Variants in EN1 observed in about 807,000 individuals in gnomAD.
EN1 encodes engrailed homeobox 1, also known as homeobox protein engrailed-1.
In EN1, 8 loss-of-function variants were observed where a neutral mutation model predicts 22.9. The ratio of observed to expected loss-of-function variants is 0.35; its 90% confidence interval spans 0.20 to 0.63. EN1 has a LOEUF of 0.63. Ranked by LOEUF, EN1 falls within the 20% of genes least tolerant of loss-of-function variation. EN1 has a pLI of 0.73. For synonymous variants in EN1, 287 were observed against 262.5 expected, an observed-to-expected ratio of 1.09 and a Z score of -0.90; for missense variants, 521 against 572.1, an observed-to-expected ratio of 0.91 and a Z score of 0.91.
In EN1 at chr2:118,846,575, G is replaced by A; in HGVS notation, c.593C>T (p.Pro198Leu). The change falls in exon 1 of 2, where the codon CCG becomes CTG. Residue 198 changes from proline (P) to leucine (L), a missense_variant. This residue lies in a region of EN1 where 436 missense variants were observed against 410.1 expected (regional missense o/e 1.06). Coordinates refer to ENST00000295206, the MANE Select transcript of EN1 (RefSeq NM_001426.4). The surrounding 1 kb of genome is among the most constrained non-coding windows in gnomAD (Gnocchi z 5.0). ...CGCGGCCGCCGCCGCCGCCGCAGCC[G>A]GGTTCCCAGCTTTAGACGCGCCCGC... ...AGAGASKAGN[P>L]AAAAAAAAAA... is the part of the protein sequence containing the mutation. 1.1e-5 allele frequency: 13 copies of A among 1,231,824 alleles called. No individual in the cohort carries two copies. The highest frequency in any genetic ancestry group is 4.3e-5 in the Admixed American group (1 of 23,504). The allele number at this position is 1,231,824 out of a possible 1,614,324, so 76.3% of individuals were successfully genotyped here. A position where few individuals can be genotyped will look rare whatever the true frequency, so the allele number is the denominator to read the frequency against.
Position 118,842,925 on chromosome 2 carries a change from C to G in EN1, c.*13G>C, listed in dbSNP as rs1678213805. ...CCGGGAGGGGGCGCGGGCGCGGCCC[C>G]GGCCTGTGGCGGCTACTCGCTCTCG... On this transcript the variant is annotated 3_prime_UTR_variant, in exon 2 of 2. Coordinates refer to ENST00000295206, the MANE Select transcript of EN1 (RefSeq NM_001426.4). The G allele has an allele frequency of 3.1e-6, 5 of 1,595,778 alleles. No homozygotes were observed. The highest frequency in any genetic ancestry group is 2.3e-5 in the East Asian group (1 of 44,418).
chr2:118,843,033 T>C lies in EN1; in HGVS notation c.1084A>G (p.Thr362Ala), dbSNP rs1311421232. ...AGCGCCAGGCCGTTCTTGATGCCTG[T>C]GGCTTTCTTGATCTTGGCGCGCTTG... ...QNKRAKIKKATGIKNGLALHL... is the reference protein window; with the variant it reads ...QNKRAKIKKAAGIKNGLALHL... The change falls in exon 2 of 2, where the codon ACA becomes GCA. Residue 362 changes from threonine to alanine, a missense_variant. Thr to Ala is a moderately conservative substitution (Grantham distance 58, BLOSUM62 0). Coordinates refer to ENST00000295206, the MANE Select transcript of EN1 (RefSeq NM_001426.4). 3 of 1,614,076 alleles carry C rather than the reference T, an allele frequency of 1.9e-6. No homozygotes were observed. The highest frequency in any genetic ancestry group is 2.2e-5 in the East Asian group (1 of 44,890).
In EN1 at chr2:118,846,283, G is replaced by A; in HGVS notation, c.862+23C>T. ...GGTCCGCGGGGCCAGAAGGCATGGC[G>A]CAGCCCGGAGTTGGGTACTCACCGG... On this transcript the variant is annotated intron_variant, in intron 1 of 1. Coordinates refer to ENST00000295206, the MANE Select transcript of EN1 (RefSeq NM_001426.4). The surrounding 1 kb of genome is among the most constrained non-coding windows in gnomAD (Gnocchi z 5.0). The A allele has an allele frequency of 6.2e-7, 1 of 1,600,550 alleles. No individual in the cohort carries two copies. Among genetic ancestry groups the A allele is most frequent in the South Asian group, 1.1e-5 (1 of 88,944 alleles).
At chr2:118,845,294 T>C (rs998007259) in intron 1 of EN1, among the ~76,000 whole-genome samples, 13 of 152,260 alleles carry the variant, frequency 8.5e-5, no homozygotes, top group Admixed American at 2.6e-4. Flanking sequence ...ACCGGGTGTC[T>C]GGAGTGCTGA....
intron 1 of EN1, 129 bp from the exon 2 acceptor site, chr2:118,843,383 C>T: frequency 1.2e-6 from 1 of 835,162 alleles, no homozygotes; most frequent in Non-Finnish European, 1.8e-6. Context: ...GCTTCCGGGG[C>T]GATCTCGGAG....
rs1418788899 is a variant in EN1 at position 118,846,529 on chromosome 2, C to G, written c.639G>C (p.Ala213=). 7.4e-6 allele frequency: 9 copies of G among 1,219,304 alleles called. No homozygotes were observed. Among genetic ancestry groups the G allele is most frequent in the Non-Finnish European group, 9.2e-6 (9 of 976,752 alleles). 75.5% of individuals were successfully genotyped at this position (1,219,304 alleles called of 1,614,324 possible). A position where few individuals can be genotyped will look rare whatever the true frequency, so the allele number is the denominator to read the frequency against. ...CCGAGGGCTTGGCTGCTGCGGCCGC[C>G]GCCGCCGCCGCCACTGCCGCCGCGG... The part of the protein sequence containing the change: ...AAAAAAVAAA[A]AAAAAKPSDT... Residue 213 remains alanine, a synonymous_variant, in exon 1 of 2, where the codon GCG becomes GCC. Transcript: ENST00000295206. This position sits in a 1 kb window ranked among gnomAD's most constrained non-coding sequence, Gnocchi z 5.0.
In EN1 at chr2:118,842,923, C is replaced by G. The variant is rs572940930; in HGVS notation, c.*15G>C. The G allele has an allele frequency of 6.3e-7, 1 of 1,597,656 alleles. No individual in the cohort carries two copies. Among genetic ancestry groups the G allele is most frequent in the South Asian group, 1.1e-5 (1 of 90,368 alleles). On this transcript the variant is annotated 3_prime_UTR_variant, in exon 2 of 2. Coordinates refer to ENST00000295206, the MANE Select transcript of EN1 (RefSeq NM_001426.4). ...TGCCGGGAGGGGGCGCGGGCGCGGC[C>G]CCGGCCTGTGGCGGCTACTCGCTCT...
In EN1 at chr2:118,846,929, G is replaced by A. The variant is rs1455243548; in HGVS notation, c.239C>T (p.Pro80Leu). 6.5e-7 allele frequency: 1 copy of A among 1,532,576 alleles called. No homozygotes were observed. The highest frequency in any genetic ancestry group is 1.9e-5 in the Admixed American group (1 of 52,350). The allele number at this position is 1,532,576 out of a possible 1,614,324, so 94.9% of individuals were successfully genotyped here. ...CGCCGCGAGATGCTGAGGCGGCGGG[G>A]GCGGGGGGTGTGGGGGGAGGTGCGG... ...HHPHLPPHPPPPPPQHLAAPA... is the reference protein window; with the variant it reads ...HHPHLPPHPPLPPPQHLAAPA... The change falls in exon 1 of 2, where the codon CCC (proline) becomes CTC (leucine). Residue 80 changes from proline (P) to leucine (L), a missense_variant. Around this residue, in one of 3 missense-constraint regions of EN1, gnomAD observed 436 missense variants for 410.1 expected, o/e 1.06. Transcript: ENST00000295206. This position sits in a 1 kb window ranked among gnomAD's most constrained non-coding sequence, Gnocchi z 5.0.
rs764899744 is a variant in EN1 at position 118,842,941 on chromosome 2, C to T, written c.1176G>A (p.Glu392=). Residue 392 remains glutamate, a synonymous_variant, in exon 2 of 2, where the codon GAG becomes GAA. Coordinates refer to ENST00000295206, the MANE Select transcript of EN1 (RefSeq NM_001426.4). ...GCGCGGCCCCGGCCTGTGGCGGCTACTCGCTCTCGTCTTTGTCCTGGACCG... is the reference window on the plus strand; with the variant it reads ...GCGCGGCCCCGGCCTGTGGCGGCTATTCGCTCTCGTCTTTGTCCTGGACCG... ...TTTVQDKDES[E] The T allele has an allele frequency of 1.3e-6, 2 of 1,599,488 alleles. No individual in the cohort carries two copies. The highest frequency in any genetic ancestry group is 2.2e-5 in the South Asian group (2 of 90,700).
Position 118,846,778 on chromosome 2 carries a change from C to G in EN1, c.390G>C (p.Ala130=). 6.3e-7 allele frequency: 1 copy of G among 1,595,218 alleles called. No individual in the cohort carries two copies. Among genetic ancestry groups the G allele is most frequent in the Non-Finnish European group, 8.5e-7 (1 of 1,177,562 alleles). The change falls in exon 1 of 2, where the codon GCG becomes GCC. Residue 130 remains alanine, a synonymous_variant. Transcript: ENST00000295206. This position sits in a 1 kb window ranked among gnomAD's most constrained non-coding sequence, Gnocchi z 5.0. ...CTCCTCCTGCGCCTCCTCTGGCCGCCGCAGCCACCAGAAGCTGCGGTGGCG... is the reference window on the plus strand; with the variant it reads ...CTCCTCCTGCGCCTCCTCTGGCCGCGGCAGCCACCAGAAGCTGCGGTGGCG... The part of the protein sequence containing the change: ...EQPPPQLLVA[A]AARGGAGGGG...
rs1169330459 is a variant in EN1, at chr2:118,847,201, G to T, written c.-34C>A. On this transcript the variant is annotated 5_prime_UTR_variant, in exon 1 of 2. Transcript: ENST00000295206. ...GCCCCGCCGCCCCGGCCGCCGCGCC[G>T]GCCCCCGCCCCCACCGCCTCGCTCC... 7 of 652,250 alleles carry T rather than the reference G, an allele frequency of 1.1e-5. No homozygotes were observed. The highest frequency in any genetic ancestry group is 4.7e-4 in the Middle Eastern group (1 of 2,124). The allele number at this position is 652,250 out of a possible 1,614,324, so 40.4% of individuals were successfully genotyped here.
chr2:118,845,219 G>C (rs977906313), intron 1 of EN1, among the ~76,000 whole-genome samples: 2 of 152,370 alleles, frequency 1.3e-5, no homozygotes, highest in Middle Eastern at 3.4e-3. Flanking sequence ...CGGCAGCTGT[G>C]GGGCGGCGAG....
Position 118,846,830 on chromosome 2 carries a change from G to A in EN1, c.338C>T (p.Pro113Leu), listed in dbSNP as rs1678283892. 1.9e-6 allele frequency: 3 copies of A among 1,594,934 alleles called. No homozygotes were observed. Among genetic ancestry groups the A allele is most frequent in the Non-Finnish European group, 1.7e-6 (2 of 1,176,772 alleles). ...CTGCTCCTTTTTGCAGCCGAAGTCC[G>A]GCCTCAGGATGTTGTCGATGAAAAA... ...TNFFIDNILR[P>L]DFGCKKEQPP... Residue 113 changes from proline (P) to leucine (L), a missense_variant, in exon 1 of 2, where the codon CCG becomes CTG. Pro to Leu is a moderately conservative substitution (Grantham distance 98). Around this residue, in one of 3 missense-constraint regions of EN1, gnomAD observed 436 missense variants for 410.1 expected, o/e 1.06. Coordinates refer to ENST00000295206, the MANE Select transcript of EN1 (RefSeq NM_001426.4). The surrounding 1 kb of genome is among the most constrained non-coding windows in gnomAD (Gnocchi z 5.0).
At position 118,843,034 on chromosome 2, in the gene EN1, G is replaced by A; in HGVS notation, c.1083C>T (p.Ala361=). The change falls in exon 2 of 2, where the codon GCC becomes GCT. Residue 361 remains alanine (A), a synonymous_variant. Coordinates refer to ENST00000295206, the MANE Select transcript of EN1 (RefSeq NM_001426.4). ...FQNKRAKIKK[A]TGIKNGLALH... Reference sequence around the variant, plus strand: ...GCGCCAGGCCGTTCTTGATGCCTGTGGCTTTCTTGATCTTGGCGCGCTTGT... The same window carrying A: ...GCGCCAGGCCGTTCTTGATGCCTGTAGCTTTCTTGATCTTGGCGCGCTTGT... The A allele has an allele frequency of 6.2e-7, 1 of 1,614,170 alleles. No individual in the cohort carries two copies. Among genetic ancestry groups the A allele is most frequent in the Non-Finnish European group, 8.5e-7 (1 of 1,180,028 alleles).
rs1372180544 is a variant in EN1, at chr2:118,846,463, G to T, written c.705C>A (p.Pro235=). Residue 235 remains proline, a synonymous_variant, in exon 1 of 2, where the codon CCC becomes CCA. Transcript: ENST00000295206. This position sits in a 1 kb window ranked among gnomAD's most constrained non-coding sequence, Gnocchi z 5.0. ...GGGSGGGAGS[P]GAQGTKYPEH... ...CCGGGTATTTGGTGCCCTGCGCTCC[G>T]GGGCTCCCCGCGCCGCCTCCACTGC... 6.2e-7 allele frequency: 1 copy of T among 1,604,230 alleles called. No individual in the cohort carries two copies. The highest frequency in any genetic ancestry group is 1.1e-5 in the South Asian group (1 of 89,976).
rs1678282782 is a variant in EN1, at chr2:118,846,779, G to T, written c.389C>A (p.Ala130Glu). Reference sequence around the variant, plus strand: ...TCCTCCTGCGCCTCCTCTGGCCGCCGCAGCCACCAGAAGCTGCGGTGGCGG... The same window carrying T: ...TCCTCCTGCGCCTCCTCTGGCCGCCTCAGCCACCAGAAGCTGCGGTGGCGG... ...EQPPPQLLVA[A>E]AARGGAGGGG... The change falls in exon 1 of 2, where the codon GCG (alanine) becomes GAG (glutamate). Residue 130 changes from alanine to glutamate, a missense_variant. Around this residue, in one of 3 missense-constraint regions of EN1, gnomAD observed 436 missense variants for 410.1 expected, o/e 1.06. Coordinates refer to ENST00000295206, the MANE Select transcript of EN1 (RefSeq NM_001426.4). This position sits in a 1 kb window ranked among gnomAD's most constrained non-coding sequence, Gnocchi z 5.0. 1.3e-6 allele frequency: 2 copies of T among 1,594,690 alleles called. No homozygotes were observed. The highest frequency in any genetic ancestry group is 1.3e-5 in the African/African-American group (1 of 74,458).
Sources: allele counts gnomAD v4.1 joint callset (sites outside exome capture counted in the v4.1 genomes callset), GRCh38; gene constraint gnomAD v4.1.1; regional missense constraint gnomAD v4.1.1; non-coding constraint Gnocchi (gnomAD v3.1); transcripts MANE v1.5; gene names NCBI Gene and HGNC (gene_info 2026-07-23, HGNC 2026-07-21).